The following RNF4 variants were observed in gnomAD, a reference collection of about 807,000 sequenced individuals.
RNF4 encodes the protein ring finger protein 4.
RNF4 carries 7 observed loss-of-function variants against 24.3 expected under a neutral mutation model. That is an observed-to-expected ratio of 0.29 (90% confidence interval 0.16 to 0.54). The LOEUF is 0.54. RNF4 is among the 20% of genes least tolerant of loss of function. RNF4 has a pLI of 0.95. For missense variants in RNF4, 209 were observed against 248.5 expected (o/e 0.84, Z 1.07); for synonymous variants, 83 against 84.3 (o/e 0.98, Z 0.09).
At chr4:2,476,547 C>T (rs1735080566) in intron 1 of RNF4, among the ~76,000 whole-genome samples, 1 of 152,080 alleles carries the variant, frequency 6.6e-6, no homozygotes. Context: ...CATGTGCCAC[C>T]ACGGCTGGCT....
chr4:2,513,399 C>T (rs1048123523), intron 7 of RNF4, among the ~76,000 whole-genome samples: 1 of 152,202 alleles, frequency 6.6e-6, no homozygotes, highest in African/African-American at 2.4e-5. Flanking sequence ...CCCATCCTGG[C>T]TCTAACTGAA....
intron 4 of RNF4, among the ~76,000 whole-genome samples, chr4:2,502,906 A>G (rs1735959190): frequency 6.6e-6 from 1 of 152,014 alleles, no homozygotes; most frequent in Non-Finnish European, 1.5e-5. Context: ...GCTAGAGAGC[A>G]GTGGCATGAT....
Position 2,512,278 on chromosome 4 carries a change from C to T in RNF4, c.215-160C>T. 1 of 870,924 alleles carries T rather than the reference C, an allele frequency of 1.1e-6. No homozygotes were observed. The highest frequency in any genetic ancestry group is 1.8e-6 in the Non-Finnish European group (1 of 553,210). 53.9% of individuals were successfully genotyped at this position (870,924 alleles called of 1,614,324 possible). On this transcript the variant is annotated intron_variant, in intron 5 of 7. Transcript: ENST00000314289. The surrounding 1 kb of genome is among the most constrained non-coding windows in gnomAD (Gnocchi z 4.1). ...GAAGATAAGATAGTGGCCTCCAGAG[C>T]TGGGCAGAACCTTCTGGGTTATAGC... is the stretch of plus-strand genomic sequence containing the variant.
At chr4:2,483,367 GC>G (rs1735298997) in intron 1 of RNF4, among the ~76,000 whole-genome samples, 1 of 152,232 alleles carries the variant, frequency 6.6e-6, no homozygotes, top group Non-Finnish European at 1.5e-5. Context: ...TTTGTCCAAG[GC>G]TGTAGGGCTT....
At chr4:2,483,946 G>C (rs140712612) in intron 1 of RNF4, among the ~76,000 whole-genome samples, 1,573 of 151,136 alleles carry the variant, frequency 0.01, 28 homozygotes, top group African/African-American at 0.036. Context: ...CCTGCCTCAG[G>C]TTCCCGAGTA....
chr4:2,501,615 T>G (rs76677093), intron 4 of RNF4, among the ~76,000 whole-genome samples: 71 of 152,352 alleles, frequency 4.7e-4, no homozygotes, highest in African/African-American at 1.5e-3. Flanking sequence ...TAAGGGCAAG[T>G]TTGCCTCTGG....
intron 1 of RNF4, among the ~76,000 whole-genome samples, chr4:2,476,856 A>G (rs1735094216): frequency 6.8e-6 from 1 of 148,034 alleles, no homozygotes; most frequent in African/African-American, 2.5e-5. Context: ...TTCTCAACTC[A>G]CTTCAACCTC....
intron 1 of RNF4, among the ~76,000 whole-genome samples, chr4:2,472,726 A>G (rs1734943671): frequency 6.6e-6 from 1 of 152,132 alleles, no homozygotes; most frequent in Non-Finnish European, 1.5e-5. Flanking sequence ...TCCTGAAAGG[A>G]TATACTATTC....
chr4:2,501,113 G>T (rs992925420), intron 4 of RNF4, among the ~76,000 whole-genome samples: 1 of 152,196 alleles, frequency 6.6e-6, no homozygotes, highest in African/African-American at 2.4e-5. Flanking sequence ...TACACCAGCT[G>T]TGTGACCTTG....
intron 2 of RNF4, among the ~76,000 whole-genome samples, chr4:2,491,989 G>A (rs548179774): frequency 6.6e-6 from 1 of 151,856 alleles, no homozygotes; most frequent in African/African-American, 2.4e-5. Context: ...ACGAGGTCAG[G>A]AGATCAAGAC....
intron 3 of RNF4, among the ~76,000 whole-genome samples, chr4:2,497,684 G>C (rs1735778382): frequency 6.6e-6 from 1 of 152,186 alleles, no homozygotes; most frequent in South Asian, 2.1e-4. Flanking sequence ...GCCCAAGCTA[G>C]AGTGTAGTGG....
At chr4:2,510,755 C>T (rs1195386895) in intron 4 of RNF4, among the ~76,000 whole-genome samples, 14 of 152,206 alleles carry the variant, frequency 9.2e-5, no homozygotes, top group East Asian at 5.8e-4. Context: ...GCCCCTCCTA[C>T]GTGCTCAGCA....
rs1578509763 is a variant in RNF4, at chr4:2,490,324, C to T, written c.-157-13C>T. 2 of 612,682 alleles carry T rather than the reference C, an allele frequency of 3.3e-6. No individual in the cohort carries two copies. The highest frequency in any genetic ancestry group is 2.8e-5 in the East Asian group (1 of 35,930). 38.0% of individuals were successfully genotyped at this position (612,682 alleles called of 1,614,324 possible). On this transcript the variant is annotated splice_polypyrimidine_tract_variant and intron_variant, in intron 1 of 7. Coordinates refer to ENST00000314289, the MANE Select transcript of RNF4 (RefSeq NM_002938.5). ...GTGGCAGTATTTATCAAATTAATAT[C>T]TTTGTTTTTCAGGACTTGAAAATAC...
chr4:2,510,600 C>T (rs1333243248), intron 4 of RNF4, among the ~76,000 whole-genome samples: 3 of 152,228 alleles, frequency 2.0e-5, no homozygotes, highest in Admixed American at 6.5e-5. Flanking sequence ...TGAGGGAACT[C>T]GGTTCACGTC....
At chr4:2,511,160 T>A (rs1219204545) in intron 4 of RNF4, among the ~76,000 whole-genome samples, 1 of 152,270 alleles carries the variant, frequency 6.6e-6, no homozygotes, top group East Asian at 1.9e-4. Flanking sequence ...CACAGTCAGA[T>A]GTGGGCTCTG....
chr4:2,509,004 C>T (rs1371134017), intron 4 of RNF4, among the ~76,000 whole-genome samples: 1 of 150,700 alleles, frequency 6.6e-6, no homozygotes. Context: ...CTGCAGCCTC[C>T]ACCTCCCGGG....
intron 1 of RNF4, among the ~76,000 whole-genome samples, chr4:2,486,898 T>C (rs1046565548): frequency 8.5e-5 from 13 of 152,174 alleles, no homozygotes; most frequent in Non-Finnish European, 1.8e-4. Context: ...ATGATAGATG[T>C]GCACCCAAAT....
intron 1 of RNF4, among the ~76,000 whole-genome samples, chr4:2,472,812 GGGC>G (rs1312227173): frequency 2.7e-5 from 4 of 150,516 alleles, no homozygotes; most frequent in Non-Finnish European, 5.9e-5. Flanking sequence ...GAGGCGAAGT[GGGC>G]GGATCACAAG....
At chr4:2,469,635 C>T (rs761984279) in intron 1 of RNF4, 1 of 152,230 alleles carries the variant, frequency 6.6e-6, no homozygotes, top group African/African-American at 2.4e-5. Flanking sequence ...TTTTTGTTCC[C>T]CGCTGACGAC....
Sources: allele counts gnomAD v4.1 joint callset (sites outside exome capture counted in the v4.1 genomes callset), GRCh38; gene constraint gnomAD v4.1.1; non-coding constraint Gnocchi (gnomAD v3.1); transcripts MANE v1.5; gene names NCBI Gene and HGNC (gene_info 2026-07-23, HGNC 2026-07-21).